DPP10: variants seen among roughly 807,000 people sequenced by gnomAD.
The protein encoded by DPP10 is inactive dipeptidyl peptidase 10.
DPP10 carries 33 observed loss-of-function variants against 120.9 expected under a neutral mutation model. The ratio of observed to expected loss-of-function variants is 0.27; its 90% CI spans 0.21 to 0.37. The LOEUF (loss-of-function observed/expected upper bound fraction) is 0.37. DPP10 is among the 10% of genes least tolerant of loss of function. DPP10 has a pLI of 1.00. For missense variants in DPP10, 816 were observed against 942.8 expected, an observed-to-expected ratio of 0.87 and a Z score of 1.76; for synonymous variants, 337 against 326.1, an observed-to-expected ratio of 1.03 and a Z score of -0.36.
intron 1 of DPP10, among the ~76,000 whole-genome samples, chr2:115,257,896 GA>G (rs917009355): frequency 1.3e-5 from 2 of 152,146 alleles, no homozygotes; most frequent in Non-Finnish European, 2.9e-5. Flanking sequence ...AAGTTATAAA[GA>G]GTCCTAGAAG....
At chr2:114,465,380 C>A (rs2104585304) in intron 1 of DPP10, among the ~76,000 whole-genome samples, 1 of 152,298 alleles carries the variant, frequency 6.6e-6, no homozygotes, top group South Asian at 2.1e-4. Context: ...CTTTACCTTG[C>A]ATCCATCATT....
chr2:115,015,766 A>C (rs1021407123), intron 1 of DPP10, among the ~76,000 whole-genome samples: 2 of 152,192 alleles, frequency 1.3e-5, no homozygotes, highest in African/African-American at 2.4e-5. Context: ...CAAAGAGAAT[A>C]AAATACCTAG....
intron 1 of DPP10, among the ~76,000 whole-genome samples, chr2:114,600,440 C>A (rs1186233372): frequency 6.6e-6 from 1 of 151,758 alleles, no homozygotes; most frequent in African/African-American, 2.4e-5. Flanking sequence ...TAATATCCAT[C>A]CTTTCCAAAA....
intron 5 of DPP10, among the ~76,000 whole-genome samples, chr2:115,592,748 C>T (rs750363509): frequency 1.4e-4 from 21 of 151,326 alleles, no homozygotes; most frequent in Non-Finnish European, 2.4e-4. Context: ...GAGTGACACT[C>T]GGTCTCAAAA....
intron 1 of DPP10, among the ~76,000 whole-genome samples, chr2:115,301,857 C>T (rs552875603): frequency 2.0e-5 from 3 of 152,034 alleles, no homozygotes; most frequent in Non-Finnish European, 4.4e-5. Flanking sequence ...AAAACTAACA[C>T]CACACAATAT....
chr2:115,430,482 C>T (rs564594152), intron 3 of DPP10, among the ~76,000 whole-genome samples: 3 of 152,146 alleles, frequency 2.0e-5, no homozygotes, highest in South Asian at 2.1e-4. Context: ...CATTGAGGCT[C>T]CTTTACATCT....
intron 1 of DPP10, among the ~76,000 whole-genome samples, chr2:114,610,739 C>T (rs903799785): frequency 6.6e-6 from 1 of 152,118 alleles, no homozygotes; most frequent in East Asian, 1.9e-4. Flanking sequence ...ATATTTTCTC[C>T]GGGCTCAGTC....
intron 1 of DPP10, among the ~76,000 whole-genome samples, chr2:114,448,977 C>A (rs1456996853): frequency 6.6e-6 from 1 of 152,130 alleles, no homozygotes; most frequent in Admixed American, 6.6e-5. Context: ...AGAGGCCTTG[C>A]TTTTTGTTTT....
chr2:115,648,969 C>T (rs2087519761), intron 5 of DPP10, among the ~76,000 whole-genome samples: 1 of 152,122 alleles, frequency 6.6e-6, no homozygotes, highest in Non-Finnish European at 1.5e-5. Context: ...GACCAGGTGG[C>T]AGGACTGGCA....
chr2:114,624,365 G>A (rs1558942357), intron 1 of DPP10, among the ~76,000 whole-genome samples: 1 of 151,924 alleles, frequency 6.6e-6, no homozygotes, highest in East Asian at 1.9e-4. Flanking sequence ...CTAGGGCATA[G>A]GGGATAATCA....
intron 1 of DPP10, among the ~76,000 whole-genome samples, chr2:114,927,349 C>G (rs953706177): frequency 1.3e-5 from 2 of 150,596 alleles, no homozygotes; most frequent in African/African-American, 2.4e-5. Context: ...GAGGACATGT[C>G]CATGACATCT....
intron 1 of DPP10, among the ~76,000 whole-genome samples, chr2:115,018,125 C>T (rs1050084473): frequency 6.6e-6 from 1 of 152,042 alleles, no homozygotes; most frequent in Non-Finnish European, 1.5e-5. Context: ...CATCACTGTT[C>T]ATTAGAGAAA....
chr2:115,788,992 C>CTAATAG (rs1683647253), intron 17 of DPP10, among the ~76,000 whole-genome samples: 1 of 151,964 alleles, frequency 6.6e-6, no homozygotes, highest in South Asian at 2.1e-4. Flanking sequence ...GTGGCGGGCG[C>CTAATAG]CTGTAGTCCC....
intron 1 of DPP10, among the ~76,000 whole-genome samples, chr2:114,482,768 C>T (rs1681172348): frequency 6.6e-6 from 1 of 152,130 alleles, no homozygotes; most frequent in South Asian, 2.1e-4. Context: ...GCTTATTAGC[C>T]AATGCGTATC....
intron 1 of DPP10, among the ~76,000 whole-genome samples, chr2:115,143,652 G>A (rs2051050417): frequency 6.6e-6 from 1 of 152,170 alleles, no homozygotes; most frequent in Admixed American, 6.5e-5. Context: ...CAGTGGGCTT[G>A]ATCTTGCTGA....
At chr2:115,513,543 GTTAT>G (rs1382766562) in intron 4 of DPP10, among the ~76,000 whole-genome samples, 4 of 151,366 alleles carry the variant, frequency 2.6e-5, no homozygotes, top group South Asian at 2.1e-4. Context: ...TATTTTTTGT[GTTAT>G]TTATTTAGCC....
chr2:114,814,616 A>G (rs975938222), intron 1 of DPP10, among the ~76,000 whole-genome samples: 2 of 151,876 alleles, frequency 1.3e-5, no homozygotes, highest in African/African-American at 2.4e-5. Flanking sequence ...ACCGTAGTAG[A>G]TATGGTGGCT....
At chr2:114,690,104 A>G (rs1013181790) in intron 1 of DPP10, among the ~76,000 whole-genome samples, 6 of 151,762 alleles carry the variant, frequency 4.0e-5, no homozygotes, top group Middle Eastern at 3.2e-3. Context: ...CCATTTGTCA[A>G]TTTTTGTTTT....
At chr2:114,698,447 C>T (rs1258638649) in intron 1 of DPP10, among the ~76,000 whole-genome samples, 2 of 152,096 alleles carry the variant, frequency 1.3e-5, no homozygotes, top group African/African-American at 4.8e-5. Flanking sequence ...CCCAGGGTGC[C>T]TCACCTCAGA....
Sources: gnomAD v4.1 joint callset for allele counts (sites outside exome capture counted in the v4.1 genomes callset) on GRCh38, gnomAD v4.1.1 for gene constraint, MANE v1.5 for transcripts, NCBI Gene and HGNC (gene_info 2026-07-23, HGNC 2026-07-21) for gene names.